Variants in PPP3R1 observed in about 807,000 individuals in gnomAD.
PPP3R1 encodes calcineurin subunit B type 1.
In PPP3R1, 5 loss-of-function variants were observed where a neutral mutation model predicts 22.6. That is an observed-to-expected ratio of 0.22 (90% confidence interval 0.12 to 0.46). The LOEUF (loss-of-function observed/expected upper bound fraction) is 0.46, where lower values mean the gene tolerates loss of function less well. PPP3R1 is among the 20% of genes least tolerant of loss of function. The probability of loss-of-function intolerance (pLI) is 0.99; values close to 1 mark genes in which losing one functional copy is unlikely to be tolerated. For synonymous variants in PPP3R1, 56 were observed against 65.2 expected, an observed-to-expected ratio of 0.86 and a Z score of 0.68; for missense variants, 61 against 203.2, an observed-to-expected ratio of 0.30 and a Z score of 4.25.
At chr2:68,213,331 G>T (rs1012131300) in intron 2 of PPP3R1, among the ~76,000 whole-genome samples, 2 of 152,132 alleles carry the variant, frequency 1.3e-5, no homozygotes, top group African/African-American at 4.8e-5. Context: ...TGAACAATTA[G>T]AGAGCAGTGT....
intron 1 of PPP3R1, among the ~76,000 whole-genome samples, chr2:68,227,271 A>T (rs1373197): frequency 0.41 from 61,510 of 151,718 alleles, 12,901 homozygotes; most frequent in South Asian, 0.62. Context: ...AATATTTTTT[A>T]AAAATGTTGA....
intron 1 of PPP3R1, among the ~76,000 whole-genome samples, chr2:68,227,580 GA>G (rs748780568): frequency 0.031 from 4,347 of 141,794 alleles, 181 homozygotes; most frequent in African/African-American, 0.1. Flanking sequence ...TTTTAGGAGG[GA>G]AAAAAAAAAA....
At chr2:68,236,982 T>C (rs1670031654) in intron 1 of PPP3R1, among the ~76,000 whole-genome samples, 1 of 152,204 alleles carries the variant, frequency 6.6e-6, no homozygotes, top group African/African-American at 2.4e-5. Flanking sequence ...AGAGGAGCTT[T>C]AAAGTAAGCA....
intron 1 of PPP3R1, among the ~76,000 whole-genome samples, chr2:68,223,487 T>C (rs1341713798): frequency 6.6e-6 from 1 of 151,684 alleles, no homozygotes; most frequent in Non-Finnish European, 1.5e-5. Context: ...GCAAATTGAA[T>C]CCAAAAATAA....
intron 2 of PPP3R1, among the ~76,000 whole-genome samples, chr2:68,209,657 C>G (rs1430936375): frequency 6.6e-6 from 1 of 151,966 alleles, no homozygotes; most frequent in African/African-American, 2.4e-5. Flanking sequence ...ACTCCAGAGG[C>G]TGAGGTAGGA....
chr2:68,182,937 T>G (rs1674445660), intron 5 of PPP3R1, among the ~76,000 whole-genome samples: 1 of 152,172 alleles, frequency 6.6e-6, no homozygotes, highest in Non-Finnish European at 1.5e-5. Context: ...TTCTATCAAT[T>G]TTATTGTCTT....
intron 2 of PPP3R1, among the ~76,000 whole-genome samples, chr2:68,203,932 A>G (rs1675049235): frequency 1.3e-5 from 2 of 152,288 alleles, no homozygotes; most frequent in South Asian, 4.1e-4. Flanking sequence ...AACAAAAGAG[A>G]GATGAGACAT....
chr2:68,248,659 A>C (rs1016147798), intron 1 of PPP3R1, among the ~76,000 whole-genome samples: 1 of 152,144 alleles, frequency 6.6e-6, no homozygotes, highest in Admixed American at 6.5e-5. Flanking sequence ...TCAGTGCTCC[A>C]AATGTACATT....
intron 2 of PPP3R1, among the ~76,000 whole-genome samples, chr2:68,200,346 TA>T (rs1479143819): frequency 1.3e-5 from 2 of 152,138 alleles, no homozygotes; most frequent in African/African-American, 4.8e-5. Flanking sequence ...CCTCCTTATA[TA>T]AAAAATGACT....
At chr2:68,211,561 A>G (rs899513377) in intron 2 of PPP3R1, among the ~76,000 whole-genome samples, 1 of 152,238 alleles carries the variant, frequency 6.6e-6, no homozygotes, top group African/African-American at 2.4e-5. Context: ...AAAATAAGAC[A>G]GCAATAAAGT....
intron 2 of PPP3R1, among the ~76,000 whole-genome samples, chr2:68,215,846 T>C (rs1233701101): frequency 1.3e-5 from 2 of 152,006 alleles, no homozygotes; most frequent in African/African-American, 4.8e-5. Context: ...TAGATAGGGC[T>C]AAATAAATAA....
intron 2 of PPP3R1, among the ~76,000 whole-genome samples, chr2:68,203,160 C>T (rs1402352079): frequency 6.6e-6 from 1 of 152,102 alleles, no homozygotes; most frequent in Non-Finnish European, 1.5e-5. Context: ...GAATTGAGAT[C>T]ACTAAATTAC....
intron 1 of PPP3R1, among the ~76,000 whole-genome samples, chr2:68,238,812 C>G (rs780543557): frequency 6.6e-6 from 1 of 152,034 alleles, no homozygotes; most frequent in Non-Finnish European, 1.5e-5. Context: ...TGAAAAGACA[C>G]GTTTGCTATA....
At chr2:68,185,137 C>T (rs1181481088) in intron 5 of PPP3R1, among the ~76,000 whole-genome samples, 2 of 150,956 alleles carry the variant, frequency 1.3e-5, no homozygotes, top group African/African-American at 2.4e-5. Flanking sequence ...GAAAATCACT[C>T]GAACCAGGGA....
chr2:68,206,998 G>A (rs1675140979), intron 2 of PPP3R1, among the ~76,000 whole-genome samples: 1 of 151,566 alleles, frequency 6.6e-6, no homozygotes, highest in Non-Finnish European at 1.5e-5. Flanking sequence ...AAATAGGGAA[G>A]TATAAATAGT....
At chr2:68,191,375 T>A (rs1262346302) in intron 2 of PPP3R1, among the ~76,000 whole-genome samples, 1 of 152,134 alleles carries the variant, frequency 6.6e-6, no homozygotes, top group African/African-American at 2.4e-5. Flanking sequence ...TCTGAACATA[T>A]CTAAACATTC....
chr2:68,186,353 G>T, intron 5 of PPP3R1, 115 bp downstream of exon 5: 1 of 1,000,016 alleles, frequency 1.0e-6, no homozygotes, highest in Non-Finnish European at 1.5e-6. Flanking sequence ...CGGGCAATTA[G>T]GAAAAATCAA....
At chr2:68,185,959 T>C (rs938481317) in intron 5 of PPP3R1, among the ~76,000 whole-genome samples, 1 of 152,236 alleles carries the variant, frequency 6.6e-6, no homozygotes, top group Non-Finnish European at 1.5e-5. Context: ...CACTTGTTTT[T>C]CCTTATATGA....
At chr2:68,194,210 T>C (rs1674722598) in intron 2 of PPP3R1, among the ~76,000 whole-genome samples, 2 of 152,064 alleles carry the variant, frequency 1.3e-5, no homozygotes, top group African/African-American at 4.8e-5. Flanking sequence ...TTAGTCAGAG[T>C]TTATAAAACA....
Sources: gnomAD v4.1 joint callset for allele counts (sites outside exome capture counted in the v4.1 genomes callset) on GRCh38, gnomAD v4.1.1 for gene constraint, MANE v1.5 for transcripts, NCBI Gene and HGNC (gene_info 2026-07-23, HGNC 2026-07-21) for gene names.